HEPACAM2: variants seen among roughly 807,000 people sequenced by gnomAD.
The protein encoded by HEPACAM2 is mitotic kinetics regulator.
A neutral mutation model predicts 49.6 loss-of-function variants in HEPACAM2; 49 were observed. The ratio of observed to expected loss-of-function variants is 0.99; its 90% CI spans 0.78 to 1.25. HEPACAM2 has a LOEUF of 1.25. Among genes scored for constraint, HEPACAM2 ranks in the 50% most tolerant of loss-of-function variants. The pLI is 0.00. For synonymous variants in HEPACAM2, 197 were observed against 202.9 expected, an observed-to-expected ratio of 0.97 and a Z score of 0.25; for missense variants, 525 against 557.2, an observed-to-expected ratio of 0.94 and a Z score of 0.58.
chr7:93,208,654 T>C lies in HEPACAM2; in HGVS notation c.938A>G (p.Tyr313Cys), dbSNP rs1794092845. 3 of 1,613,122 alleles carry C rather than the reference T, an allele frequency of 1.9e-6. No individual in the cohort carries two copies. Among genetic ancestry groups the C allele is most frequent in the African/African-American group, 1.3e-5 (1 of 74,826 alleles). Reference protein sequence around the residue: ...SEKVAQKTMDYVCCAYNNITG... With the variant: ...SEKVAQKTMDCVCCAYNNITG... ...TATGTTGTTGTAAGCACAGCACACA[T>C]AGTCCATTGTCTTCTGGGCTACTTT... Residue 313 changes from tyrosine (Y) to cysteine (C), a missense_variant, in exon 4 of 10, where the codon TAT becomes TGT. Tyr to Cys is a radical substitution (Grantham distance 194, BLOSUM62 -2). Transcript: ENST00000394468.
chr7:93,229,157 G>A (rs948337888), upstream of HEPACAM2, among the ~76,000 whole-genome samples: 1 of 152,160 alleles, frequency 6.6e-6, no homozygotes, highest in Non-Finnish European at 1.5e-5. Flanking sequence ...GGAAAGAAAT[G>A]TTTCTTATTG....
At position 93,208,692 on chromosome 7, in the gene HEPACAM2, T is replaced by G; in HGVS notation, c.900A>C (p.Glu300Asp). The part of the protein sequence containing the change: ...TYIIKHGPRL[E>D]VASEKVAQKT... ...TCTGGGCTACTTTCTCAGATGCAAC[T>G]TCTAAGCGAGGCCCATGCTTAATGA... Residue 300 changes from glutamate to aspartate, a missense_variant, in exon 4 of 10, where the codon GAA becomes GAC. Physicochemically the swap from Glu to Asp is conservative, Grantham distance 45. Transcript: ENST00000394468. 1.2e-6 allele frequency: 2 copies of G among 1,613,232 alleles called. No individual in the cohort carries two copies. The highest frequency in any genetic ancestry group is 1.7e-4 in the Middle Eastern group (1 of 6,052).
chr7:93,225,905 T>C, intron 1 of HEPACAM2: 1 of 1,434,088 alleles, frequency 7.0e-7, no homozygotes, highest in Non-Finnish European at 9.3e-7. Flanking sequence ...TTTCATAAGA[T>C]GAGACAGATA....
intron 7 of HEPACAM2, 48 bp downstream of exon 7, chr7:93,197,189 CTAAT>C: frequency 7.7e-7 from 1 of 1,304,508 alleles, no homozygotes; most frequent in Admixed American, 2.2e-5. Flanking sequence ...ATTAACACAA[CTAAT>C]TAACATACAT....
chr7:93,204,470 C>A (rs148535031), intron 4 of HEPACAM2, among the ~76,000 whole-genome samples: 1 of 151,890 alleles, frequency 6.6e-6, no homozygotes, highest in African/African-American at 2.4e-5. Context: ...CAAGGAAGTC[C>A]GTAATTAAGG....
At chr7:93,216,619 A>G (rs773674047) in intron 2 of HEPACAM2, among the ~76,000 whole-genome samples, 3 of 152,194 alleles carry the variant, frequency 2.0e-5, no homozygotes, top group Non-Finnish European at 4.4e-5. Context: ...GAAGTTCTTG[A>G]CTTAATCGAT....
At position 93,188,760 on chromosome 7, in the gene HEPACAM2, G is replaced by A. The variant is rs968409233; in HGVS notation, c.*507C>T. The A allele has an allele frequency of 5.8e-6, 2 of 345,610 alleles. No homozygotes were observed. Among genetic ancestry groups the A allele is most frequent in the South Asian group, 1.5e-4 (1 of 6,540 alleles). The allele number at this position is 345,610 out of a possible 1,614,324, so 21.4% of individuals were successfully genotyped here. On this transcript the variant is annotated 3_prime_UTR_variant, in exon 10 of 10. Coordinates refer to ENST00000394468, the MANE Select transcript of HEPACAM2 (RefSeq NM_001039372.4). ...TTGTGACAACCATCCTTATTACTTT[G>A]TTGTACAAATAACAAGATAGAAATT...
chr7:93,226,929 A>G (rs1265330094), upstream of HEPACAM2, among the ~76,000 whole-genome samples: 1 of 152,230 alleles, frequency 6.6e-6, no homozygotes, highest in Non-Finnish European at 1.5e-5. Context: ...AGTCACTAAC[A>G]TGTAAAAATT....
chr7:93,205,751 T>C (rs1794010998), intron 4 of HEPACAM2: 1 of 152,090 alleles, frequency 6.6e-6, no homozygotes. Flanking sequence ...AAACAAATAT[T>C]TAACAAAACA....
At chr7:93,209,295 G>A (rs1794115589) in intron 3 of HEPACAM2, among the ~76,000 whole-genome samples, 1 of 151,808 alleles carries the variant, frequency 6.6e-6, no homozygotes, top group South Asian at 2.1e-4. Flanking sequence ...ATTTTTAATT[G>A]AGACATGATA....
intron 1 of HEPACAM2, chr7:93,225,978 G>A (rs569682988): frequency 7.3e-5 from 83 of 1,138,622 alleles, no homozygotes; most frequent in Non-Finnish European, 8.9e-5. Flanking sequence ...AACAATTTTC[G>A]TAAATTATTT....
chr7:93,213,473 GA>G lies in HEPACAM2; in HGVS notation c.715+1927del, dbSNP rs200643806. On this transcript the variant is annotated intron_variant, in intron 3 of 9. Transcript: ENST00000394468. ...AATACTTGATTTTGCTAAAGGTCAGGAAAAAAAAGTGCCAAAGCACTATAAT... is the reference window on the plus strand; with the variant it reads ...AATACTTGATTTTGCTAAAGGTCAGGAAAAAAAGTGCCAAAGCACTATAAT... 8.3e-3 allele frequency among the ~76,000 whole-genome samples: 1,254 copies of G among 151,830 alleles called. 19 individuals carry two copies. The highest frequency in any genetic ancestry group is 0.028 in the African/African-American group (1,176 of 41,442).
At chr7:93,225,998 C>A in intron 1 of HEPACAM2, 1 of 875,054 alleles carries the variant, frequency 1.1e-6, no homozygotes, top group Non-Finnish European at 1.7e-6. Context: ...TGTAGTTTCA[C>A]TCTAAGTGGT....
intron 2 of HEPACAM2, among the ~76,000 whole-genome samples, chr7:93,217,229 G>A (rs1794326591): frequency 6.6e-6 from 1 of 152,142 alleles, no homozygotes; most frequent in Non-Finnish European, 1.5e-5. Context: ...ACTGTAAGTG[G>A]TATGAGATAA....
Position 93,188,569 on chromosome 7 carries a change from A to G in HEPACAM2, c.*698T>C, listed in dbSNP as rs1409693016. ...ATGTAATATTTTTACTCTACAAGAC[A>G]AAGAATTAAGACCACATAAAAGCAA... On this transcript the variant is annotated 3_prime_UTR_variant, in exon 10 of 10. Transcript: ENST00000394468. The G allele has an allele frequency of 2.6e-5, 4 of 152,984 alleles. No individual in the cohort carries two copies. Among genetic ancestry groups the G allele is most frequent in the African/African-American group, 9.6e-5 (4 of 41,476 alleles). The allele number at this position is 152,984 out of a possible 1,614,324, so 9.5% of individuals were successfully genotyped here. A position where few individuals can be genotyped will look rare whatever the true frequency, so the allele number is the denominator to read the frequency against.
At chr7:93,199,855 G>C (rs76072459) in intron 4 of HEPACAM2, among the ~76,000 whole-genome samples, 1,725 of 151,988 alleles carry the variant, frequency 0.011, 26 homozygotes, top group East Asian at 0.08. Context: ...TTAAAACATA[G>C]TAATTTCATT....
chr7:93,198,546 A>G (rs1328317509), intron 4 of HEPACAM2, among the ~76,000 whole-genome samples: 2 of 152,176 alleles, frequency 1.3e-5, no homozygotes, highest in Non-Finnish European at 2.9e-5. Context: ...GTTTAGTTAT[A>G]TAGTCAATCT....
At chr7:93,213,843 G>C (rs12538057) in intron 3 of HEPACAM2, among the ~76,000 whole-genome samples, 20,864 of 151,900 alleles carry the variant, frequency 0.14, 2,463 homozygotes, top group East Asian at 0.31. Flanking sequence ...TGGAAAGGAT[G>C]ATGATGTCAT....
chr7:93,191,473 G>A (rs1237320201), intron 9 of HEPACAM2, among the ~76,000 whole-genome samples: 1 of 152,150 alleles, frequency 6.6e-6, no homozygotes, highest in Non-Finnish European at 1.5e-5. Context: ...TTGCCAGAGG[G>A]CAAGTTTCTG....
Sources: allele counts gnomAD v4.1 joint callset (sites outside exome capture counted in the v4.1 genomes callset), GRCh38; gene constraint gnomAD v4.1.1; transcripts MANE v1.5; gene names NCBI Gene and HGNC (gene_info 2026-07-23, HGNC 2026-07-21).